NALF1: variants seen among roughly 807,000 people sequenced by gnomAD.
NALF1 encodes NALCN channel auxiliary factor 1, also known as family with sequence similarity 155 member A.
A neutral mutation model predicts 48.4 loss-of-function variants in NALF1; 3 were observed. The ratio of observed to expected loss-of-function variants is 0.06; its 90% CI spans 0.03 to 0.16. NALF1 has a LOEUF of 0.16. NALF1 is among the 10% of genes least tolerant of loss of function. The probability of loss-of-function intolerance (pLI) is 1.00; values close to 1 mark genes in which losing one functional copy is unlikely to be tolerated. For synonymous variants in NALF1, 262 were observed against 245.7 expected, an observed-to-expected ratio of 1.07 and a Z score of -0.62; for missense variants, 526 against 571.5, an observed-to-expected ratio of 0.92 and a Z score of 0.81.
intron 1 of NALF1, among the ~76,000 whole-genome samples, chr13:107,552,017 A>T (rs1215410332): frequency 6.6e-6 from 1 of 152,182 alleles, no homozygotes; most frequent in African/African-American, 2.4e-5. Flanking sequence ...AAGTGTCAAG[A>T]AGTAAAAATT....
At chr13:107,528,096 C>T (rs911245246) in intron 1 of NALF1, among the ~76,000 whole-genome samples, 1 of 152,000 alleles carries the variant, frequency 6.6e-6, no homozygotes, top group African/African-American at 2.4e-5. Context: ...TAAACATAAA[C>T]ATGCTTAAAT....
rs986389984 is a variant in NALF1 at position 107,685,668 on chromosome 13, G to C, written c.915+180014C>G. Among the ~76,000 whole-genome samples the C allele has an allele frequency of 5.9e-5, 9 of 152,294 alleles. No homozygotes were observed. In the South Asian group the frequency reaches 1.9e-3, roughly 32 times the overall value. ...AGAAAATTTTATCTTGACCAAAGTT[G>C]AATTTTGTTTCAGCAGTAGCTCTTG... On this transcript the variant is annotated intron_variant, in intron 1 of 2. Transcript: ENST00000375915.
At chr13:107,567,402 T>C (rs984798538) in intron 1 of NALF1, among the ~76,000 whole-genome samples, 11 of 152,254 alleles carry the variant, frequency 7.2e-5, no homozygotes, top group South Asian at 6.2e-4. Flanking sequence ...CAGAAATTAA[T>C]TAGACATTAA....
At chr13:107,756,435 C>CCATATATATATATATA (rs1555323651) in intron 1 of NALF1, among the ~76,000 whole-genome samples, 1 of 141,088 alleles carries the variant, frequency 7.1e-6, no homozygotes, top group Non-Finnish European at 1.5e-5. Context: ...AGTTTAATGG[C>CCATATATATATATATA]TATATATATA....
chr13:107,648,483 T>C (rs905855674), intron 1 of NALF1, among the ~76,000 whole-genome samples: 4 of 152,174 alleles, frequency 2.6e-5, no homozygotes, highest in African/African-American at 9.7e-5. Flanking sequence ...ATGCATTTAA[T>C]GTTTATCTGT....
At chr13:107,298,035 T>G (rs1225211987) in intron 1 of NALF1, among the ~76,000 whole-genome samples, 1 of 152,082 alleles carries the variant, frequency 6.6e-6, no homozygotes, top group Non-Finnish European at 1.5e-5. Flanking sequence ...TTTCAATATT[T>G]TTGCATTGAA....
At chr13:107,742,903 G>A (rs1876680120) in intron 1 of NALF1, among the ~76,000 whole-genome samples, 1 of 152,206 alleles carries the variant, frequency 6.6e-6, no homozygotes, top group Non-Finnish European at 1.5e-5. Context: ...ATGCTACGGA[G>A]AATGTAGAGA....
intron 1 of NALF1, among the ~76,000 whole-genome samples, chr13:107,242,473 C>T (rs879512008): frequency 6.6e-6 from 1 of 152,162 alleles, no homozygotes; most frequent in Non-Finnish European, 1.5e-5. Flanking sequence ...GTTTCTTTGG[C>T]CTATCTTATG....
chr13:107,164,666 T>G lies in NALF1; in HGVS notation c.*5831A>C, dbSNP rs1308065981. ...GCCTTTTGGGAGTGGAAATCGAAAATAGCCAATGCTGTTTATATTAAAAGT... is the reference window on the plus strand; with the variant it reads ...GCCTTTTGGGAGTGGAAATCGAAAAGAGCCAATGCTGTTTATATTAAAAGT... On this transcript the variant is annotated 3_prime_UTR_variant, in exon 3 of 3. Coordinates refer to ENST00000375915, the MANE Select transcript of NALF1 (RefSeq NM_001080396.3). The G allele has an allele frequency of 6.6e-6, 1 of 152,120 alleles. No individual in the cohort carries two copies. The highest frequency in any genetic ancestry group is 2.4e-5 in the African/African-American group (1 of 41,436). 9.4% of individuals were successfully genotyped at this position (152,120 alleles called of 1,614,324 possible).
At chr13:107,413,208 T>C (rs1884022359) in intron 1 of NALF1, among the ~76,000 whole-genome samples, 1 of 152,202 alleles carries the variant, frequency 6.6e-6, no homozygotes, top group Admixed American at 6.5e-5. Context: ...TATTCATTAT[T>C]GCACAATAGA....
In NALF1 at chr13:107,514,465, C is replaced by T. The variant is rs61965918; in HGVS notation, c.916-303710G>A. Among the ~76,000 whole-genome samples the T allele has an allele frequency of 2.8e-5, 4 of 144,050 alleles. No homozygotes were observed. In the South Asian group the frequency reaches 8.8e-4, roughly 32 times the overall value. The allele number at this position is 144,050 out of a possible 152,430, so 94.5% of individuals were successfully genotyped here. A position where few individuals can be genotyped will look rare whatever the true frequency, so the allele number is the denominator to read the frequency against. The stretch of plus-strand genomic sequence containing the variant: ...TCTATCTATCTATCTATCTAATCTA[C>T]CTATCTATAAATCAATTTTTTTTGG... On this transcript the variant is annotated intron_variant, in intron 1 of 2. Coordinates refer to ENST00000375915, the MANE Select transcript of NALF1 (RefSeq NM_001080396.3).
chr13:107,825,263 T>C (rs946212489), intron 1 of NALF1, among the ~76,000 whole-genome samples: 4 of 152,338 alleles, frequency 2.6e-5, no homozygotes, highest in Non-Finnish European at 5.9e-5. Flanking sequence ...TGGTCTGCTT[T>C]GGATGTCCGA....
intron 1 of NALF1, among the ~76,000 whole-genome samples, chr13:107,452,605 C>T (rs183970371): frequency 1.6e-4 from 25 of 152,220 alleles, no homozygotes; most frequent in Admixed American, 8.5e-4. Context: ...GAGACTTGGG[C>T]GCAGACACAA....
intron 1 of NALF1, among the ~76,000 whole-genome samples, chr13:107,685,775 C>T (rs1881417704): frequency 6.6e-6 from 1 of 152,172 alleles, no homozygotes; most frequent in Non-Finnish European, 1.5e-5. Flanking sequence ...GTGATTGATT[C>T]GTGAATGCAA....
intron 1 of NALF1, among the ~76,000 whole-genome samples, chr13:107,253,043 A>G (rs1880735174): frequency 6.6e-6 from 1 of 152,224 alleles, no homozygotes; most frequent in African/African-American, 2.4e-5. Context: ...CATAGTTATG[A>G]AAAGAAGTAT....
chr13:107,706,390 G>C (rs1881948036), intron 1 of NALF1, among the ~76,000 whole-genome samples: 1 of 152,124 alleles, frequency 6.6e-6, no homozygotes, highest in Non-Finnish European at 1.5e-5. Context: ...TCTATCAGCA[G>C]TTACTTCACT....
chr13:107,695,509 T>G (rs1378450384), intron 1 of NALF1, among the ~76,000 whole-genome samples: 1 of 152,216 alleles, frequency 6.6e-6, no homozygotes, highest in East Asian at 1.9e-4. Flanking sequence ...TATACCCAAA[T>G]GATTTTGCTT....
At chr13:107,664,235 A>G (rs1183129350) in intron 1 of NALF1, among the ~76,000 whole-genome samples, 1 of 152,108 alleles carries the variant, frequency 6.6e-6, no homozygotes, top group Non-Finnish European at 1.5e-5. Flanking sequence ...TTTCTTTCAC[A>G]TATACAAAAT....
At chr13:107,784,522 A>C (rs1878014543) in intron 1 of NALF1, among the ~76,000 whole-genome samples, 1 of 152,204 alleles carries the variant, frequency 6.6e-6, no homozygotes, top group Non-Finnish European at 1.5e-5. Context: ...TCAAATTAAA[A>C]AGAGGTTGCT....
Sources: allele counts gnomAD v4.1 joint callset (sites outside exome capture counted in the v4.1 genomes callset), GRCh38; gene constraint gnomAD v4.1.1; transcripts MANE v1.5; gene names NCBI Gene and HGNC (gene_info 2026-07-23, HGNC 2026-07-21).